Variants in AXDND1 observed in about 807,000 individuals in gnomAD.
The protein encoded by AXDND1 is axonemal dynein light chain domain-containing protein 1.
AXDND1 carries 110 observed loss-of-function variants against 137.5 expected under a neutral mutation model. The observed-to-expected ratio is 0.80, with a 90% CI of 0.69 to 0.94. The LOEUF is 0.94. AXDND1 is among the 40% of genes least tolerant of loss of function. The pLI is 0.00. For missense variants in AXDND1, 1,191 were observed against 1,169.8 expected (o/e 1.02, Z -0.26); for synonymous variants, 414 against 399.7 (o/e 1.04, Z -0.43).
intron 25 of AXDND1, among the ~76,000 whole-genome samples, chr1:179,546,622 T>C (rs1295987268): frequency 2.0e-5 from 3 of 152,142 alleles, no homozygotes; most frequent in Non-Finnish European, 2.9e-5. Context: ...AGAAAGCTGC[T>C]CTGGCCCTTC....
At chr1:179,491,844 GAAAT>G (rs1480930048) in intron 19 of AXDND1, 107 bp downstream of exon 19, 2 of 999,070 alleles carry the variant, frequency 2.0e-6, no homozygotes, top group Non-Finnish European at 2.9e-6. Flanking sequence ...AACCTTGAAA[GAAAT>G]ACTAGTTCAG....
At chr1:179,455,820 G>A (rs1247449848) in intron 16 of AXDND1, 1 of 181,088 alleles carries the variant, frequency 5.5e-6, no homozygotes, top group Non-Finnish European at 1.2e-5. Context: ...GCCAGCTTTG[G>A]CTGCATCCCA....
In AXDND1 at chr1:179,393,965, T is replaced by C. The variant is rs766288405; in HGVS notation, c.926T>C (p.Leu309Ser). 2.5e-6 allele frequency: 4 copies of C among 1,612,210 alleles called. No individual in the cohort carries two copies. The highest frequency in any genetic ancestry group is 3.4e-6 in the Non-Finnish European group (4 of 1,179,344). Residue 309 changes from leucine (L) to serine (S), a missense_variant, in exon 10 of 26, where the codon TTG becomes TCG. Coordinates refer to ENST00000367618, the MANE Select transcript of AXDND1 (RefSeq NM_144696.6). ...CAGATGATTGATTTCTACAAAGACT[T>C]GGTAACTCAGCGAGTGATGGACCAG... ...ARQMIDFYKDLVTQRVMDQRI... is the reference protein window; with the variant it reads ...ARQMIDFYKDSVTQRVMDQRI...
intron 23 of AXDND1, among the ~76,000 whole-genome samples, chr1:179,528,874 G>A (rs572700069): frequency 6.6e-6 from 1 of 152,124 alleles, no homozygotes; most frequent in African/African-American, 2.4e-5. Context: ...CTGCAGACGC[G>A]AGCTATTGCG....
In AXDND1 at chr1:179,488,089, A is replaced by G. The variant is rs968294518; in HGVS notation, c.2092-3449A>G. Among the ~76,000 whole-genome samples the G allele has an allele frequency of 2.0e-5, 3 of 146,706 alleles. 1 individual carries two copies. The highest frequency in any genetic ancestry group is 4.5e-5 in the Non-Finnish European group (3 of 67,120). On this transcript the variant is annotated intron_variant, in intron 18 of 25. Transcript: ENST00000367618. The stretch of plus-strand genomic sequence containing the variant: ...TAACTAGTAATTTTTTCCATCTATC[A>G]TAATGTCAATCAGTTGTTCTTACAG...
chr1:179,389,832 T>C (rs1462511171), intron 9 of AXDND1, among the ~76,000 whole-genome samples: 1 of 152,132 alleles, frequency 6.6e-6, no homozygotes, highest in Non-Finnish European at 1.5e-5. Flanking sequence ...CTAAAGATGA[T>C]GTTTTTTAAA....
At chr1:179,548,031 T>A (rs1672803969) in intron 25 of AXDND1, among the ~76,000 whole-genome samples, 1 of 152,156 alleles carries the variant, frequency 6.6e-6, no homozygotes, top group African/African-American at 2.4e-5. Flanking sequence ...TTGAAACAAA[T>A]GCTTGTTATA....
chr1:179,374,614 G>A (rs1668388652), intron 4 of AXDND1, among the ~76,000 whole-genome samples: 1 of 152,128 alleles, frequency 6.6e-6, no homozygotes, highest in Non-Finnish European at 1.5e-5. Context: ...AGAAAATGTG[G>A]CACATATAAA....
At chr1:179,463,696 T>A (rs1221347665) in intron 16 of AXDND1, among the ~76,000 whole-genome samples, 67 of 152,322 alleles carry the variant, frequency 4.4e-4, no homozygotes, top group African/African-American at 1.2e-3. Flanking sequence ...GTCTCCTTGA[T>A]CTGTCTACTG....
intron 25 of AXDND1, 105 bp downstream of exon 25, chr1:179,535,067 C>T: frequency 6.6e-7 from 1 of 1,522,850 alleles, no homozygotes; most frequent in African/African-American, 1.4e-5. Context: ...TGGTGCTAAT[C>T]TACTAGTTTA....
chr1:179,471,570 A>G (rs961062215), intron 17 of AXDND1, among the ~76,000 whole-genome samples: 3 of 152,186 alleles, frequency 2.0e-5, no homozygotes, highest in East Asian at 3.8e-4. Context: ...CTCGTTTCCA[A>G]TTCTAATAAT....
chr1:179,533,609 T>G (rs1395393694), intron 23 of AXDND1, among the ~76,000 whole-genome samples, 186 bp from the exon 24 acceptor site: 1 of 150,088 alleles, frequency 6.7e-6, no homozygotes, highest in Non-Finnish European at 1.5e-5. Flanking sequence ...TCTATGCTAT[T>G]TGACCAGAGA....
At chr1:179,537,221 C>T (rs1671639845) in intron 25 of AXDND1, among the ~76,000 whole-genome samples, 1 of 152,204 alleles carries the variant, frequency 6.6e-6, no homozygotes, top group Non-Finnish European at 1.5e-5. Context: ...TGCCTGATTG[C>T]CCTGGCCAGA....
intron 8 of AXDND1, among the ~76,000 whole-genome samples, chr1:179,384,163 G>T (rs963176164): frequency 6.6e-6 from 1 of 152,136 alleles, no homozygotes; most frequent in Non-Finnish European, 1.5e-5. Flanking sequence ...TACAGAAAAA[G>T]TTCAATACAA....
chr1:179,374,397 C>T (rs1304559862), intron 4 of AXDND1, among the ~76,000 whole-genome samples: 1 of 152,134 alleles, frequency 6.6e-6, no homozygotes, highest in East Asian at 1.9e-4. Flanking sequence ...CTAGTTCAAC[C>T]ATTGTGGAAG....
intron 16 of AXDND1, chr1:179,453,678 T>C (rs1660867966): frequency 6.6e-6 from 1 of 152,004 alleles, no homozygotes; most frequent in Non-Finnish European, 1.5e-5. Flanking sequence ...CATGCACCTG[T>C]AGTTTCAGCT....
chr1:179,378,573 C>A, intron 4 of AXDND1, 64 bp from the exon 5 acceptor site: 1 of 1,259,742 alleles, frequency 7.9e-7, no homozygotes, highest in Non-Finnish European at 1.1e-6. Flanking sequence ...GTGGATCTCA[C>A]CTGCTGTTAT....
chr1:179,485,282 C>A (rs1005098912), intron 18 of AXDND1, among the ~76,000 whole-genome samples: 4 of 152,192 alleles, frequency 2.6e-5, no homozygotes, highest in African/African-American at 9.6e-5. Flanking sequence ...CTGGCATCAC[C>A]CATTGGAGTG....
chr1:179,533,120 T>C (rs1671179359), intron 23 of AXDND1: 1 of 152,114 alleles, frequency 6.6e-6, no homozygotes, highest in African/African-American at 2.4e-5. Flanking sequence ...CTTTACCTTA[T>C]ACCTGACACT....
Sources: allele counts gnomAD v4.1 joint callset (sites outside exome capture counted in the v4.1 genomes callset), GRCh38; gene constraint gnomAD v4.1.1; transcripts MANE v1.5; gene names NCBI Gene and HGNC (gene_info 2026-07-23, HGNC 2026-07-21).